FASTKD1: variants seen among roughly 807,000 people sequenced by gnomAD.
FASTKD1 encodes the protein FAST kinase domains 1, also known as FAST kinase domain-containing protein 1, mitochondrial.
A neutral mutation model predicts 90.9 loss-of-function variants in FASTKD1; 94 were observed. The observed-to-expected ratio is 1.03, with a 90% CI of 0.88 to 1.23. The LOEUF (loss-of-function observed/expected upper bound fraction) is 1.23. FASTKD1 is among the 50% of genes most tolerant of loss of function. FASTKD1 has a pLI of 0.00. For synonymous variants in FASTKD1, 319 were observed against 345.8 expected (o/e 0.92, Z 0.86); for missense variants, 945 against 993.5 (o/e 0.95, Z 0.66).
At position 169,529,907 on chromosome 2, in the gene FASTKD1, T is replaced by C. The variant is rs1444206257; in HGVS notation, c.2462A>G (p.Asn821Ser). 1 of 1,610,364 alleles carries C rather than the reference T, an allele frequency of 6.2e-7. No individual in the cohort carries two copies. The highest frequency in any genetic ancestry group is 8.5e-7 in the Non-Finnish European group (1 of 1,178,708). The change falls in exon 15 of 15, where the codon AAC (asparagine) becomes AGC (serine). Residue 821 changes from asparagine (N) to serine (S), a missense_variant. Coordinates refer to ENST00000453153, the MANE Select transcript of FASTKD1 (RefSeq NM_024622.6). ...RVIQISQFEW[N>S]SMALSTKDAR... ...ATCCTTTGTTGACAGTGCCATAGAGTTCCATTCAAACTGGGAAATCTGAAA... is the reference window on the plus strand; with the variant it reads ...ATCCTTTGTTGACAGTGCCATAGAGCTCCATTCAAACTGGGAAATCTGAAA...
At chr2:169,568,705 A>C (rs1684104904) in intron 3 of FASTKD1, among the ~76,000 whole-genome samples, 1 of 151,398 alleles carries the variant, frequency 6.6e-6, no homozygotes, top group Non-Finnish European at 1.5e-5. Flanking sequence ...AAGAAAAGAA[A>C]AAAGAAAAGA....
At position 169,544,746 on chromosome 2, in the gene FASTKD1, G is replaced by GC. The variant is rs762097839; in HGVS notation, c.1790dup (p.Cys597TrpfsTer6). ...CTAAGTAAGAATTAAGATGTTGCAC[G>GC]CAAGTTCCCAAAAATTCATCCCTTT... is the stretch of plus-strand genomic sequence containing the variant. On this transcript the variant is annotated frameshift_variant, in exon 9 of 15. Coordinates refer to ENST00000453153, the MANE Select transcript of FASTKD1 (RefSeq NM_024622.6). LOFTEE classifies it high-confidence loss of function. 3 of 1,604,264 alleles carry GC rather than the reference G, an allele frequency of 1.9e-6. No homozygotes were observed. The highest frequency in any genetic ancestry group is 2.6e-6 in the Non-Finnish European group (3 of 1,171,440).
rs190315720 is a variant in FASTKD1 at position 169,561,953 on chromosome 2, A to G, written c.573-1168T>C. On this transcript the variant is annotated intron_variant, in intron 4 of 14. Coordinates refer to ENST00000453153, the MANE Select transcript of FASTKD1 (RefSeq NM_024622.6). ...TTTGTTAATTTATTATAAATTAATT[A>G]TTAATTTATTGTAAATTAATTATTC... 2.4e-3 allele frequency among the ~76,000 whole-genome samples: 296 copies of G among 121,112 alleles called. 37 individuals carry two copies. The highest frequency in any genetic ancestry group is 9.7e-3 in the African/African-American group (276 of 28,522). 79.5% of individuals were successfully genotyped at this position (121,112 alleles called of 152,430 possible).
At chr2:169,555,815 T>A (rs1410722861) in intron 6 of FASTKD1, among the ~76,000 whole-genome samples, 4 of 152,200 alleles carry the variant, frequency 2.6e-5, no homozygotes, top group African/African-American at 7.2e-5. Context: ...AATCTCAAGT[T>A]ACCAAAAAGC....
chr2:169,561,083 G>A (rs1193096827), intron 4 of FASTKD1, among the ~76,000 whole-genome samples: 3 of 151,274 alleles, frequency 2.0e-5, no homozygotes, highest in Admixed American at 1.3e-4. Flanking sequence ...CAGATCACTT[G>A]TGGTCAGGAG....
chr2:169,549,551 A>C (rs116281935), intron 7 of FASTKD1, among the ~76,000 whole-genome samples: 1 of 152,010 alleles, frequency 6.6e-6, no homozygotes, highest in Non-Finnish European at 1.5e-5. Flanking sequence ...TGCAGCCTTG[A>C]CCTCCTGGGC....
In FASTKD1 at chr2:169,560,838, T is replaced by C. The variant is rs958177147; in HGVS notation, c.573-53A>G. 11 of 739,756 alleles carry C rather than the reference T, an allele frequency of 1.5e-5. No homozygotes were observed. The Admixed American group carries it at 4.3e-4, about 29-fold the overall frequency. The allele number at this position is 739,756 out of a possible 1,614,324, so 45.8% of individuals were successfully genotyped here. On this transcript the variant is annotated intron_variant, in intron 4 of 14. Coordinates refer to ENST00000453153, the MANE Select transcript of FASTKD1 (RefSeq NM_024622.6). ...TTTACATCAATTAAGAATGATCAATTCTTTTTTTTTTTTTTTTTTTTTTTT... is the reference window on the plus strand; with the variant it reads ...TTTACATCAATTAAGAATGATCAATCCTTTTTTTTTTTTTTTTTTTTTTTT...
chr2:169,538,036 C>T lies in FASTKD1; in HGVS notation c.2051G>A (p.Arg684His), dbSNP rs767676718. The change falls in exon 11 of 15, where the codon CGC becomes CAC. Residue 684 changes from arginine (R) to histidine (H), a missense_variant. Arg to His is a conservative substitution (Grantham distance 29, BLOSUM62 0). Coordinates refer to ENST00000453153, the MANE Select transcript of FASTKD1 (RefSeq NM_024622.6). ...PEFQIPWFHDRFCQQYNKGIG... is the reference protein window; with the variant it reads ...PEFQIPWFHDHFCQQYNKGIG... ...ACCTTTATTATATTGTTGACAGAAG[C>T]GGTCATGAAACCATGGAATCTGAAA... 9 of 1,605,728 alleles carry T rather than the reference C, an allele frequency of 5.6e-6. No homozygotes were observed. Among genetic ancestry groups the T allele is most frequent in the African/African-American group, 4.0e-5 (3 of 74,344 alleles).
chr2:169,559,421 C>G (rs940534433), intron 5 of FASTKD1, among the ~76,000 whole-genome samples: 1 of 152,020 alleles, frequency 6.6e-6, no homozygotes, highest in Non-Finnish European at 1.5e-5. Context: ...ATATAAAATT[C>G]TTATTTTTTT....
intron 9 of FASTKD1, among the ~76,000 whole-genome samples, chr2:169,541,468 G>A (rs1332419193): frequency 6.6e-6 from 1 of 151,846 alleles, no homozygotes; most frequent in African/African-American, 2.4e-5. Context: ...ACTAAAAAGG[G>A]GTATAAATGT....
At chr2:169,534,218 CAGAACCTTT>C (rs1216392027) in intron 12 of FASTKD1, among the ~76,000 whole-genome samples, 1 of 133,562 alleles carries the variant, frequency 7.5e-6, no homozygotes, top group Non-Finnish European at 1.6e-5. Context: ...AAAAAAGAGG[CAGAACCTTT>C]AGGAGACGAT....
intron 4 of FASTKD1, 110 bp from the exon 5 acceptor site, chr2:169,560,895 C>T: frequency 1.1e-6 from 1 of 893,444 alleles, no homozygotes; most frequent in Non-Finnish European, 1.5e-6. Context: ...GTTGCCAGGG[C>T]TGGTCTCAAA....
At chr2:169,573,245 T>C (rs1684308359) in intron 1 of FASTKD1, 2 of 152,214 alleles carry the variant, frequency 1.3e-5, no homozygotes, top group African/African-American at 4.8e-5. Flanking sequence ...TGGCAAGCAG[T>C]ACAGCATCCT....
At chr2:169,555,082 T>A in intron 7 of FASTKD1, 42 bp downstream of exon 7, 1 of 1,573,352 alleles carries the variant, frequency 6.4e-7, no homozygotes, top group African/African-American at 1.4e-5. Flanking sequence ...ATATTGTGGC[T>A]AGAAAATGAA....
rs1574416712 is a variant in FASTKD1 at position 169,569,259 on chromosome 2, A to T, written c.378-7T>A. The T allele has an allele frequency of 6.8e-6, 11 of 1,613,422 alleles. No individual in the cohort carries two copies. The highest frequency in any genetic ancestry group is 9.3e-6 in the Non-Finnish European group (11 of 1,179,434). On this transcript the variant is annotated splice_region_variant and splice_polypyrimidine_tract_variant and intron_variant, in intron 2 of 14. Transcript: ENST00000453153. ...ATGGGCCTCACCAGCAAACCTTAATAAAAAAGAAAGAATCCTCCATACATA... is the reference window on the plus strand; with the variant it reads ...ATGGGCCTCACCAGCAAACCTTAATTAAAAAGAAAGAATCCTCCATACATA...
At position 169,530,546 on chromosome 2, in the gene FASTKD1, T is replaced by C. The variant is rs757986819; in HGVS notation, c.2442+41A>G. Reference sequence around the variant, plus strand: ...AGGAAGCACATGTACAGCTAGTGTCTCTGGGCTTTTTAGAGGCTGAATTAC... The same window carrying C: ...AGGAAGCACATGTACAGCTAGTGTCCCTGGGCTTTTTAGAGGCTGAATTAC... On this transcript the variant is annotated intron_variant, in intron 14 of 14. Transcript: ENST00000453153. 11 of 1,138,334 alleles carry C rather than the reference T, an allele frequency of 9.7e-6. No homozygotes were observed. In the East Asian group the frequency reaches 2.6e-4, roughly 27 times the overall value. The allele number at this position is 1,138,334 out of a possible 1,614,324, so 70.5% of individuals were successfully genotyped here. A position where few individuals can be genotyped will look rare whatever the true frequency, so the allele number is the denominator to read the frequency against.
rs1399090605 is a variant in FASTKD1 at position 169,561,725 on chromosome 2, CT to C, written c.573-941del. ...AATCTATTATAAATTAATTATTAAT[CT>C]ATTATAAATTAATTATTCATTATAA... On this transcript the variant is annotated intron_variant, in intron 4 of 14. Transcript: ENST00000453153. 2.7e-4 allele frequency among the ~76,000 whole-genome samples: 35 copies of C among 128,618 alleles called. No individual in the cohort carries two copies. In the East Asian group the frequency reaches 4.6e-3, roughly 17 times the overall value. 84.4% of individuals were successfully genotyped at this position (128,618 alleles called of 152,430 possible). A position where few individuals can be genotyped will look rare whatever the true frequency, so the allele number is the denominator to read the frequency against.
At chr2:169,554,999 C>T (rs1028198450) in intron 7 of FASTKD1, 125 bp downstream of exon 7, 28 of 858,006 alleles carry the variant, frequency 3.3e-5, no homozygotes, top group Non-Finnish European at 4.7e-5. Context: ...AGTGTCTTAA[C>T]ATTTTTACTA....
intron 6 of FASTKD1, among the ~76,000 whole-genome samples, chr2:169,555,919 G>T (rs1683281109): frequency 1.3e-5 from 2 of 152,124 alleles, no homozygotes; most frequent in Non-Finnish European, 2.9e-5. Flanking sequence ...CTTTCCTTTT[G>T]AAAATTACAG....
Sources: gnomAD v4.1 joint callset for allele counts (sites outside exome capture counted in the v4.1 genomes callset) on GRCh38, gnomAD v4.1.1 for gene constraint, MANE v1.5 for transcripts, NCBI Gene and HGNC (gene_info 2026-07-23, HGNC 2026-07-21) for gene names.